Variants in ZBTB7C observed in about 807,000 individuals in gnomAD.
ZBTB7C encodes zinc finger and BTB domain containing 7C.
A neutral mutation model predicts 25.7 loss-of-function variants in ZBTB7C; 8 were observed. The ratio of observed to expected loss-of-function variants is 0.31; its 90% CI spans 0.18 to 0.56. The LOEUF is 0.56. ZBTB7C is among the 20% of genes least tolerant of loss of function. The pLI is 0.91. For missense variants in ZBTB7C, 824 were observed against 855.2 expected (o/e 0.96, Z 0.46); for synonymous variants, 394 against 369.0 (o/e 1.07, Z -0.78).
chr18:48,111,269 G>A (rs1399353185), intron 3 of ZBTB7C, among the ~76,000 whole-genome samples: 6 of 152,232 alleles, frequency 3.9e-5, no homozygotes, highest in South Asian at 2.1e-4. Flanking sequence ...GATTTGAGTC[G>A]GAATAAAAAA....
chr18:48,387,046 G>C (rs1278477032), intron 1 of ZBTB7C, among the ~76,000 whole-genome samples: 1 of 152,202 alleles, frequency 6.6e-6, no homozygotes, highest in African/African-American at 2.4e-5. Flanking sequence ...TTCAAAAGAT[G>C]AGTTGGATTT....
In ZBTB7C at chr18:48,314,019, C is replaced by T. The variant is rs75069958; in HGVS notation, c.-79+24155G>A. On this transcript the variant is annotated intron_variant, in intron 2 of 4. Coordinates refer to ENST00000590800, the MANE Select transcript of ZBTB7C (RefSeq NM_001318841.2). ...GTGACATGATAGCTCCCTGTCACCA[C>T]CTGCCTCACCAGAACCAGAGGCCAG... Among the ~76,000 whole-genome samples the T allele has an allele frequency of 5.6e-3, 855 of 152,306 alleles. 3 individuals carry two copies. The highest frequency in any genetic ancestry group is 8.8e-3 in the Non-Finnish European group (601 of 68,024).
intron 2 of ZBTB7C, among the ~76,000 whole-genome samples, chr18:48,332,751 C>T (rs893439795): frequency 6.0e-5 from 9 of 149,374 alleles, no homozygotes; most frequent in African/African-American, 2.2e-4. Flanking sequence ...GTATTCCCTC[C>T]AGGCCAGCCC....
At chr18:48,229,752 G>A (rs529004196) in intron 2 of ZBTB7C, among the ~76,000 whole-genome samples, 14 of 152,176 alleles carry the variant, frequency 9.2e-5, no homozygotes, top group East Asian at 1.9e-4. Flanking sequence ...AGGGAGGCCC[G>A]AGGAAGACGT....
chr18:48,244,081 A>T (rs2043607679), intron 2 of ZBTB7C, among the ~76,000 whole-genome samples: 2 of 152,228 alleles, frequency 1.3e-5, no homozygotes, highest in Admixed American at 1.3e-4. Context: ...TCTAGAAGAT[A>T]ACATCACAAA....
At chr18:48,242,824 A>G (rs188556341) in intron 2 of ZBTB7C, among the ~76,000 whole-genome samples, 12 of 152,346 alleles carry the variant, frequency 7.9e-5, no homozygotes, top group Admixed American at 7.8e-4. Flanking sequence ...CTTCTGTTCA[A>G]CATAGTACTG....
chr18:48,377,241 G>A (rs547291230), intron 1 of ZBTB7C, among the ~76,000 whole-genome samples: 3 of 152,332 alleles, frequency 2.0e-5, no homozygotes, highest in Admixed American at 1.3e-4. Flanking sequence ...TCCAGTCTGG[G>A]TATTGGGTCA....
At chr18:48,359,986 C>A (rs949924282) in intron 1 of ZBTB7C, among the ~76,000 whole-genome samples, 1 of 152,146 alleles carries the variant, frequency 6.6e-6, no homozygotes, top group Non-Finnish European at 1.5e-5. Context: ...ATAGGCCCAG[C>A]CAAAGCATTC....
rs143326893 is a variant in ZBTB7C at position 48,140,361 on chromosome 18, C to T, written c.-17+45573G>A. Reference sequence around the variant, plus strand: ...CCTATGCCCTCACTCTATGCAACCACGCTGTGGGGTAGATCTTGTTATTTC... The same window carrying T: ...CCTATGCCCTCACTCTATGCAACCATGCTGTGGGGTAGATCTTGTTATTTC... On this transcript the variant is annotated intron_variant, in intron 3 of 4. Coordinates refer to ENST00000590800, the MANE Select transcript of ZBTB7C (RefSeq NM_001318841.2). 6.8e-3 allele frequency among the ~76,000 whole-genome samples: 1,035 copies of T among 152,354 alleles called. 8 individuals are homozygous for T. The highest frequency in any genetic ancestry group is 0.01 in the Non-Finnish European group (705 of 68,042).
At chr18:48,378,138 C>CA (rs1376117152) in intron 1 of ZBTB7C, among the ~76,000 whole-genome samples, 5 of 149,788 alleles carry the variant, frequency 3.3e-5, no homozygotes, top group Admixed American at 2.0e-4. Flanking sequence ...AACTCCGTTT[C>CA]AAAAAAAAAG....
At position 48,041,073 on chromosome 18, in the gene ZBTB7C, G is replaced by T. The variant is rs1319646121; in HGVS notation, c.35C>A (p.Pro12His). Residue 12 changes from proline to histidine, a missense_variant, in exon 4 of 5, where the codon CCC becomes CAC. Transcript: ENST00000590800. ...ANDIDELIGI[P>H]FPNHSSEVLC... ...GACCTCACTGCTGTGGTTGGGGAAG[G>T]GAATGCCAATGAGCTCATCAATGTC... 2 of 1,608,250 alleles carry T rather than the reference G, an allele frequency of 1.2e-6. No individual in the cohort carries two copies. Among genetic ancestry groups the T allele is most frequent in the Non-Finnish European group, 1.7e-6 (2 of 1,175,826 alleles).
intron 3 of ZBTB7C, among the ~76,000 whole-genome samples, chr18:48,115,414 A>T (rs1291832083): frequency 1.1e-5 from 1 of 90,710 alleles, no homozygotes; most frequent in African/African-American, 3.5e-5. Context: ...GCACCTAGCT[A>T]ATTTTTTTTG....
rs559657443 is a variant in ZBTB7C, at chr18:48,029,583, C to T, written c.1537G>A (p.Glu513Lys). The T allele has an allele frequency of 5.0e-5, 75 of 1,485,636 alleles. No individual in the cohort carries two copies. In the Middle Eastern group the frequency reaches 1.2e-3, roughly 25 times the overall value. 92.0% of individuals were successfully genotyped at this position (1,485,636 alleles called of 1,614,324 possible). Residue 513 changes from glutamate (E) to lysine (K), a missense_variant, in exon 5 of 5, where the codon GAG (glutamate) becomes AAG (lysine). Glu to Lys is a moderately conservative substitution (Grantham distance 56). Transcript: ENST00000590800. ...AAFVMPPALG[E>K]VGGHLGGAAV... is the part of the protein sequence containing the mutation. Reference sequence around the variant, plus strand: ...GCGCCGCCCAGGTGGCCGCCCACCTCGCCCAGCGCAGGGGGCATCACGAAG... The same window carrying T: ...GCGCCGCCCAGGTGGCCGCCCACCTTGCCCAGCGCAGGGGGCATCACGAAG...
At chr18:48,327,527 C>A (rs2046247777) in intron 2 of ZBTB7C, among the ~76,000 whole-genome samples, 1 of 152,186 alleles carries the variant, frequency 6.6e-6, no homozygotes, top group Admixed American at 6.5e-5. Context: ...ACTGCTCATC[C>A]CACCCTCCCA....
chr18:48,236,439 A>C (rs2043380892), intron 2 of ZBTB7C, among the ~76,000 whole-genome samples: 1 of 152,232 alleles, frequency 6.6e-6, no homozygotes, highest in Non-Finnish European at 1.5e-5. Context: ...GAAACGGATA[A>C]ACTTATAGTT....
intron 4 of ZBTB7C, among the ~76,000 whole-genome samples, chr18:48,031,859 C>T (rs1162753596): frequency 2.6e-5 from 4 of 152,208 alleles, no homozygotes; most frequent in Non-Finnish European, 5.9e-5. Flanking sequence ...TCTTTTCTCA[C>T]CACAGCACTG....
intron 2 of ZBTB7C, among the ~76,000 whole-genome samples, chr18:48,236,774 T>C (rs2043390658): frequency 6.6e-6 from 1 of 152,244 alleles, no homozygotes; most frequent in African/African-American, 2.4e-5. Context: ...TATCCTATTT[T>C]CTGACAGTTT....
chr18:48,125,317 G>T (rs2039765343), intron 3 of ZBTB7C, among the ~76,000 whole-genome samples: 2 of 152,244 alleles, frequency 1.3e-5, no homozygotes, highest in South Asian at 4.1e-4. Flanking sequence ...CCGTGTAAGG[G>T]ATCTCACTCC....
At chr18:48,283,304 T>C (rs1355713216) in intron 2 of ZBTB7C, among the ~76,000 whole-genome samples, 1 of 152,192 alleles carries the variant, frequency 6.6e-6, no homozygotes, top group African/African-American at 2.4e-5. Context: ...AGCCACTAAA[T>C]GCATTTTATA....
Sources: allele counts gnomAD v4.1 joint callset (sites outside exome capture counted in the v4.1 genomes callset), GRCh38; gene constraint gnomAD v4.1.1; transcripts MANE v1.5; gene names NCBI Gene and HGNC (gene_info 2026-07-23, HGNC 2026-07-21).